Variants in SCN1A observed in about 807,000 individuals in gnomAD.
The protein encoded by SCN1A is sodium channel protein type 1 subunit alpha.
Under a neutral mutation model 193.7 loss-of-function variants are expected in SCN1A, and 13 were observed. The observed-to-expected ratio is 0.07, with a 90% CI of 0.04 to 0.11. SCN1A has a LOEUF of 0.11. SCN1A is among the 10% of genes least tolerant of loss of function. The pLI, the probability that SCN1A is intolerant of heterozygous loss-of-function variation, is 1.00. For synonymous variants in SCN1A, 781 were observed against 843.6 expected (o/e 0.93, Z 1.29); for missense variants, 1,432 against 2,451.1 (o/e 0.58, Z 8.78).
At chr2:166,044,205 A>G (rs1697520766) in intron 13 of SCN1A, among the ~76,000 whole-genome samples, 156 bp from the exon 14 acceptor site, 1 of 152,200 alleles carries the variant, frequency 6.6e-6, no homozygotes, top group Admixed American at 6.5e-5. Flanking sequence ...GTGCATTCAC[A>G]TTAAATTAAA....
intron 2 of SCN1A, among the ~76,000 whole-genome samples, chr2:166,120,149 T>C (rs1435557487): frequency 6.9e-6 from 1 of 145,842 alleles, no homozygotes; most frequent in Admixed American, 7.0e-5. Flanking sequence ...AGATGTAATA[T>C]TCTATTTAAA....
rs778976450 is a variant in SCN1A at position 166,038,127 on chromosome 2, T to A, written c.2595A>T (p.Arg865=). ...GCCAAGATTTTGCCAACTTGAAAAC[T>A]CGCAGCTGGAAAATGAAAGATTAAT... is the stretch of plus-strand genomic sequence containing the variant. The part of the protein sequence containing the change: ...LSVLRSFRLL[R]VFKLAKSWPT... The change falls in exon 18 of 29, where the codon CGA becomes CGT. Residue 865 remains arginine, a synonymous_variant. Transcript: ENST00000674923. The A allele has an allele frequency of 6.2e-7, 1 of 1,608,800 alleles. No individual in the cohort carries two copies. Among genetic ancestry groups the A allele is most frequent in the Non-Finnish European group, 8.5e-7 (1 of 1,176,490 alleles).
intron 1 of SCN1A, among the ~76,000 whole-genome samples, chr2:166,142,547 C>G (rs917830875): frequency 2.6e-5 from 4 of 152,186 alleles, no homozygotes; most frequent in Admixed American, 6.5e-5. Flanking sequence ...TCAAAACACT[C>G]TATCACTGCT....
intron 26 of SCN1A, 70 bp downstream of exon 26, chr2:165,997,968 T>C: frequency 7.9e-7 from 1 of 1,264,504 alleles, no homozygotes; most frequent in South Asian, 1.2e-5. Context: ...CAAGTACTCA[T>C]TTGGCAGAGA....
intron 23 of SCN1A, among the ~76,000 whole-genome samples, chr2:166,007,651 A>G (rs1395373469): frequency 6.6e-6 from 1 of 151,398 alleles, no homozygotes; most frequent in Non-Finnish European, 1.5e-5. Flanking sequence ...TTTATTTGTT[A>G]CTTTCTAACT....
intron 2 of SCN1A, among the ~76,000 whole-genome samples, chr2:166,106,914 A>G (rs1392164995): frequency 6.6e-6 from 1 of 152,084 alleles, no homozygotes; most frequent in Admixed American, 6.5e-5. Flanking sequence ...TGCCCAATAC[A>G]CTATTTCTGG....
In SCN1A at chr2:166,048,879, G is replaced by T. The variant is rs751443272; in HGVS notation, c.1028+7C>A. On this transcript the variant is annotated splice_region_variant and intron_variant, in intron 10 of 28. Transcript: ENST00000674923. The stretch of plus-strand genomic sequence containing the variant: ...TATACACAGATACACACAAATTATT[G>T]ACTTACCCTGCATCAGAGCTATTTC... The T allele has an allele frequency of 4.5e-6, 7 of 1,565,588 alleles. No individual in the cohort carries two copies. The highest frequency in any genetic ancestry group is 1.1e-5 in the South Asian group (1 of 89,966).
chr2:166,125,923 C>T (rs1474929440), intron 2 of SCN1A, among the ~76,000 whole-genome samples: 1 of 152,118 alleles, frequency 6.6e-6, no homozygotes, highest in East Asian at 1.9e-4. Flanking sequence ...GCAGCAAAAT[C>T]CAATGTGTTA....
chr2:166,067,471 CT>C (rs5836078), intron 4 of SCN1A, among the ~76,000 whole-genome samples: 56 of 145,858 alleles, frequency 3.8e-4, no homozygotes, highest in East Asian at 6.0e-4. Flanking sequence ...ACTGACTTCT[CT>C]TTTTTTTTTT....
chr2:166,050,523 T>C (rs941963666), intron 9 of SCN1A, among the ~76,000 whole-genome samples: 1 of 93,646 alleles, frequency 1.1e-5, no homozygotes, highest in East Asian at 3.9e-4. Flanking sequence ...AGGGAGCTGG[T>C]GATTGAAGTG....
chr2:166,017,061 C>G (rs969782786), intron 19 of SCN1A, among the ~76,000 whole-genome samples: 1 of 150,156 alleles, frequency 6.7e-6, no homozygotes, highest in Non-Finnish European at 1.5e-5. Flanking sequence ...GAAAAACTTA[C>G]CTGACAGTTA....
At chr2:166,108,772 A>G (rs1216171190) in intron 2 of SCN1A, among the ~76,000 whole-genome samples, 1 of 152,182 alleles carries the variant, frequency 6.6e-6, no homozygotes. Context: ...GTACAGAGAC[A>G]GCAAATAGTG....
At chr2:166,084,186 T>A (rs1236195709) in intron 2 of SCN1A, among the ~76,000 whole-genome samples, 1 of 152,068 alleles carries the variant, frequency 6.6e-6, no homozygotes. Context: ...TGTTCATCTT[T>A]TCTCTCCCAG....
chr2:166,105,683 T>C (rs1380432838), intron 2 of SCN1A, among the ~76,000 whole-genome samples: 1 of 152,226 alleles, frequency 6.6e-6, no homozygotes, highest in South Asian at 2.1e-4. Flanking sequence ...TCAGTGGAAA[T>C]GCTAGAGCAT....
chr2:166,028,053 G>A (rs1489774737), intron 19 of SCN1A, among the ~76,000 whole-genome samples: 1 of 152,082 alleles, frequency 6.6e-6, no homozygotes, highest in Non-Finnish European at 1.5e-5. Flanking sequence ...TTTACAGAAT[G>A]TCAGTTGTTT....
At chr2:166,000,356 CT>C (rs1488854154) in intron 24 of SCN1A, among the ~76,000 whole-genome samples, 2 of 151,800 alleles carry the variant, frequency 1.3e-5, no homozygotes, top group African/African-American at 2.4e-5. Flanking sequence ...AAATAACCCC[CT>C]ATTCTATTTT....
intron 6 of SCN1A, among the ~76,000 whole-genome samples, 155 bp downstream of exon 6, chr2:166,056,256 G>A (rs1699116457): frequency 6.6e-6 from 1 of 152,062 alleles, no homozygotes; most frequent in Non-Finnish European, 1.5e-5. Flanking sequence ...ACGCCAGCAG[G>A]CCTGAGGGCC....
chr2:166,090,137 C>T (rs1406159025), intron 2 of SCN1A, among the ~76,000 whole-genome samples: 1 of 150,212 alleles, frequency 6.7e-6, no homozygotes, highest in Non-Finnish European at 1.5e-5. Flanking sequence ...ACTTCTGGCC[C>T]CGAGTGATAC....
chr2:166,124,251 T>A (rs571750434), intron 2 of SCN1A, among the ~76,000 whole-genome samples: 130 of 151,958 alleles, frequency 8.6e-4, no homozygotes, highest in South Asian at 1.5e-3. Flanking sequence ...TTTTTTTTTT[T>A]AATTTTTTAA....
Sources: allele counts gnomAD v4.1 joint callset (sites outside exome capture counted in the v4.1 genomes callset), GRCh38; gene constraint gnomAD v4.1.1; transcripts MANE v1.5; gene names NCBI Gene and HGNC (gene_info 2026-07-23, HGNC 2026-07-21).